WWOX: variants seen among roughly 807,000 people sequenced by gnomAD.
WWOX encodes WW domain-containing oxidoreductase.
Under a neutral mutation model 46.2 loss-of-function variants are expected in WWOX, and 69 were observed. That is an observed-to-expected ratio of 1.49 (90% CI 1.23 to 1.82). WWOX has a LOEUF of 1.82. Ranked by LOEUF, WWOX falls within the 40% of genes most tolerant of loss-of-function variation. The probability of loss-of-function intolerance (pLI) is 0.00; values close to 1 mark genes in which losing one functional copy is unlikely to be tolerated. For synonymous variants in WWOX, 359 were observed against 202.6 expected (o/e 1.77, Z -6.56); for missense variants, 919 against 542.6 (o/e 1.69, Z -6.89).
chr16:78,314,604 A>C (rs2080317853), intron 5 of WWOX, among the ~76,000 whole-genome samples: 1 of 143,082 alleles, frequency 7.0e-6, no homozygotes. Flanking sequence ...GGCTCACTGC[A>C]ACCTCTACCT....
intron 8 of WWOX, among the ~76,000 whole-genome samples, chr16:78,517,465 A>T (rs575620064): frequency 6.6e-6 from 1 of 152,208 alleles, no homozygotes; most frequent in Admixed American, 6.5e-5. Flanking sequence ...GACGCTTCGC[A>T]TATGTATTTA....
chr16:78,517,608 C>A (rs1214731637), intron 8 of WWOX, among the ~76,000 whole-genome samples: 1 of 151,792 alleles, frequency 6.6e-6, no homozygotes, highest in African/African-American at 2.4e-5. Flanking sequence ...CTGAAGTATC[C>A]CTCTGCGTCG....
intron 4 of WWOX, among the ~76,000 whole-genome samples, chr16:78,143,750 A>AT (rs1183025860): frequency 0.015 from 1,390 of 92,252 alleles, 29 homozygotes; most frequent in African/African-American, 0.05. Flanking sequence ...AAGAATTGGT[A>AT]TGTTTTTTTT....
intron 8 of WWOX, among the ~76,000 whole-genome samples, chr16:79,034,724 C>T (rs1272734999): frequency 6.6e-6 from 1 of 151,648 alleles, no homozygotes; most frequent in African/African-American, 2.4e-5. Context: ...AAAAATACTT[C>T]TCTGATCAGA....
intron 8 of WWOX, among the ~76,000 whole-genome samples, chr16:78,885,440 G>C (rs187204636): frequency 1.3e-5 from 2 of 152,266 alleles, no homozygotes; most frequent in Admixed American, 1.3e-4. Flanking sequence ...TTTTCACTCT[G>C]TCTAAACATC....
chr16:79,195,545 A>G (rs187360578), intron 8 of WWOX, among the ~76,000 whole-genome samples: 9 of 152,274 alleles, frequency 5.9e-5, no homozygotes, highest in Admixed American at 3.9e-4. Context: ...TCAGCAGCAC[A>G]CTACAATATC....
chr16:78,823,896 C>T (rs2051576631), intron 8 of WWOX, among the ~76,000 whole-genome samples: 1 of 152,016 alleles, frequency 6.6e-6, no homozygotes, highest in African/African-American at 2.4e-5. Flanking sequence ...CCACCTCAGC[C>T]TCCCAAGTAG....
At chr16:78,135,170 G>T (rs2033744295) in intron 4 of WWOX, among the ~76,000 whole-genome samples, 4 of 152,224 alleles carry the variant, frequency 2.6e-5, no homozygotes, top group Admixed American at 2.6e-4. Context: ...TTGGGATGCA[G>T]AGAAAACTCA....
chr16:78,216,076 C>T (rs1308383459), intron 5 of WWOX, among the ~76,000 whole-genome samples: 1 of 152,194 alleles, frequency 6.6e-6, no homozygotes, highest in Non-Finnish European at 1.5e-5. Context: ...CCAATGGTCT[C>T]ATCCGTCAGC....
intron 8 of WWOX, among the ~76,000 whole-genome samples, chr16:78,581,658 A>C (rs1034131217): frequency 1.3e-5 from 2 of 152,186 alleles, no homozygotes; most frequent in African/African-American, 4.8e-5. Flanking sequence ...TTGGGAATAA[A>C]TGCTACCCAT....
At chr16:79,035,083 A>G (rs1431393832) in intron 8 of WWOX, among the ~76,000 whole-genome samples, 2 of 152,156 alleles carry the variant, frequency 1.3e-5, no homozygotes, top group Non-Finnish European at 2.9e-5. Flanking sequence ...AGTAAAGTGA[A>G]ACAAACAAAC....
At chr16:78,925,356 A>G (rs2045474593) in intron 8 of WWOX, among the ~76,000 whole-genome samples, 1 of 152,180 alleles carries the variant, frequency 6.6e-6, no homozygotes. Flanking sequence ...ATGGCAACAA[A>G]GGGAGATCCA....
intron 8 of WWOX, among the ~76,000 whole-genome samples, chr16:78,737,171 C>A (rs2049111397): frequency 6.6e-6 from 1 of 151,812 alleles, no homozygotes; most frequent in African/African-American, 2.4e-5. Flanking sequence ...ATGATCTCGG[C>A]TCACTACAGC....
At chr16:79,103,421 G>A (rs1229798193) in intron 8 of WWOX, among the ~76,000 whole-genome samples, 1 of 152,164 alleles carries the variant, frequency 6.6e-6, no homozygotes, top group Non-Finnish European at 1.5e-5. Context: ...GAAATGTTTA[G>A]GGGCTCAAGC....
rs143481140 is a variant in WWOX, at chr16:79,130,521, C to G, written c.1057-81087C>G. Among the ~76,000 whole-genome samples, 761 of 152,252 alleles carry G rather than the reference C, an allele frequency of 5.0e-3. 3 individuals are homozygous for G. The highest frequency in any genetic ancestry group is 8.0e-3 in the Non-Finnish European group (543 of 67,998). ...AGCTGAGTCTTGAGACTCCAGAGAT[C>G]AGGACTCAAGGACTGTGGAACCTGT... On this transcript the variant is annotated intron_variant, in intron 8 of 8. Coordinates refer to ENST00000566780, the MANE Select transcript of WWOX (RefSeq NM_016373.4).
intron 8 of WWOX, among the ~76,000 whole-genome samples, chr16:78,849,775 A>G (rs1487341199): frequency 6.6e-6 from 1 of 151,894 alleles, no homozygotes; most frequent in Non-Finnish European, 1.5e-5. Context: ...CCCATAAAAA[A>G]TAGAGTGATA....
chr16:79,129,942 C>T (rs1359656927), intron 8 of WWOX, among the ~76,000 whole-genome samples: 2 of 152,150 alleles, frequency 1.3e-5, no homozygotes, highest in Non-Finnish European at 2.9e-5. Flanking sequence ...GTCCCTTTAC[C>T]ACTTTGCCAC....
intron 5 of WWOX, among the ~76,000 whole-genome samples, chr16:78,385,193 T>C (rs1322720795): frequency 4.2e-5 from 6 of 143,814 alleles, no homozygotes; most frequent in Non-Finnish European, 7.4e-5. Context: ...AGGCATGACT[T>C]GGATTCTTTA....
At position 78,114,965 on chromosome 16, in the gene WWOX, C is replaced by G. The variant is rs372011945; in HGVS notation, c.231-11C>G. 9.9e-6 allele frequency: 16 copies of G among 1,614,004 alleles called. No individual in the cohort carries two copies. In the African/African-American group the frequency reaches 1.6e-4, roughly 16 times the overall value. On this transcript the variant is annotated splice_polypyrimidine_tract_variant and intron_variant, in intron 3 of 8. Transcript: ENST00000566780. ...CATTGCTGTGGGTTCACTGCTTTCT[C>G]TTTTGGGCAGCCATATAAATAAAAG...
Sources: gnomAD v4.1 joint callset for allele counts (sites outside exome capture counted in the v4.1 genomes callset) on GRCh38, gnomAD v4.1.1 for gene constraint, MANE v1.5 for transcripts, NCBI Gene and HGNC (gene_info 2026-07-23, HGNC 2026-07-21) for gene names.